The following NTNG1 variants were observed in gnomAD, a reference collection of about 807,000 sequenced individuals.
The protein encoded by NTNG1 is netrin-G1.
Under a neutral mutation model 54.0 loss-of-function variants are expected in NTNG1, and 16 were observed. The observed-to-expected ratio is 0.30, with a 90% CI of 0.20 to 0.45. The LOEUF (loss-of-function observed/expected upper bound fraction) is 0.45. Ranked by LOEUF, NTNG1 falls within the 20% of genes least tolerant of loss-of-function variation. NTNG1 has a pLI of 1.00. For synonymous variants in NTNG1, 255 were observed against 263.1 expected (o/e 0.97, Z 0.30); for missense variants, 530 against 678.7 (o/e 0.78, Z 2.43).
chr1:107,214,019 T>G (rs995884562), intron 2 of NTNG1, among the ~76,000 whole-genome samples: 1 of 152,226 alleles, frequency 6.6e-6, no homozygotes, highest in Non-Finnish European at 1.5e-5. Context: ...TTTTAGTTTT[T>G]CTTTTCACTC....
intron 4 of NTNG1, among the ~76,000 whole-genome samples, chr1:107,402,262 A>C (rs946889718): frequency 2.0e-5 from 3 of 152,128 alleles, no homozygotes; most frequent in Admixed American, 6.5e-5. Context: ...CTTGAATGTT[A>C]ATAACATCGG....
intron 2 of NTNG1, among the ~76,000 whole-genome samples, chr1:107,168,777 T>C (rs567996132): frequency 2.6e-5 from 4 of 152,250 alleles, no homozygotes; most frequent in South Asian, 2.1e-4. Flanking sequence ...AGAACCAACA[T>C]AGCAAAACAA....
At chr1:107,321,159 A>G (rs977522391) in intron 2 of NTNG1, among the ~76,000 whole-genome samples, 2 of 152,086 alleles carry the variant, frequency 1.3e-5, no homozygotes, top group Non-Finnish European at 2.9e-5. Context: ...ATCGTGTAAC[A>G]TTATAACACA....
chr1:107,460,473 A>G (rs1043629337), intron 7 of NTNG1: 2 of 512,212 alleles, frequency 3.9e-6, no homozygotes, highest in Non-Finnish European at 7.8e-6. Flanking sequence ...ATAGTTTTCT[A>G]TTTAGGAAAT....
chr1:107,331,945 G>A (rs1335126894), intron 3 of NTNG1, among the ~76,000 whole-genome samples: 1 of 150,968 alleles, frequency 6.6e-6, no homozygotes, highest in Non-Finnish European at 1.5e-5. Context: ...ATGAAGTCCA[G>A]TAAATAAGAG....
chr1:107,334,981 A>G (rs1454674558), intron 3 of NTNG1, among the ~76,000 whole-genome samples: 2 of 152,000 alleles, frequency 1.3e-5, no homozygotes, highest in South Asian at 2.1e-4. Context: ...CACTTCATCC[A>G]ATCAACCAGA....
chr1:107,234,536 T>G (rs1227703442), intron 2 of NTNG1, among the ~76,000 whole-genome samples: 1 of 152,228 alleles, frequency 6.6e-6, no homozygotes, highest in African/African-American at 2.4e-5. Context: ...TTTCCTCTTT[T>G]GATCCACGCA....
At chr1:107,206,505 T>C (rs1659206006) in intron 2 of NTNG1, among the ~76,000 whole-genome samples, 1 of 152,156 alleles carries the variant, frequency 6.6e-6, no homozygotes, top group East Asian at 1.9e-4. Context: ...GGCAGGGTTC[T>C]TATCATTACC....
chr1:107,147,113 T>C (rs1654178677), intron 1 of NTNG1, among the ~76,000 whole-genome samples: 2 of 152,234 alleles, frequency 1.3e-5, no homozygotes, highest in Non-Finnish European at 2.9e-5. Context: ...AACAGAAAAG[T>C]GGCCAGTTAA....
chr1:107,401,362 A>C (rs1341721626), intron 4 of NTNG1, among the ~76,000 whole-genome samples: 8 of 152,172 alleles, frequency 5.3e-5, no homozygotes, highest in African/African-American at 1.7e-4. Context: ...CGGAATACCA[A>C]GTTATTCAGG....
At chr1:107,414,081 T>G (rs192092082) in intron 5 of NTNG1, among the ~76,000 whole-genome samples, 103 of 152,288 alleles carry the variant, frequency 6.8e-4, no homozygotes, top group African/African-American at 2.4e-3. Flanking sequence ...TCTAAAGCTT[T>G]CTTGATGTTA....
chr1:107,380,139 A>G, intron 3 of NTNG1, among the ~76,000 whole-genome samples: 1 of 152,246 alleles, frequency 6.6e-6, no homozygotes, highest in East Asian at 1.9e-4. Context: ...TTTGAAAGGC[A>G]ATGATGCTAC....
intron 7 of NTNG1, among the ~76,000 whole-genome samples, chr1:107,456,788 C>T (rs1048572590): frequency 2.0e-5 from 3 of 152,200 alleles, no homozygotes; most frequent in Non-Finnish European, 4.4e-5. Context: ...TGATGCAAGA[C>T]CTCAGTCCCC....
chr1:107,288,275 C>A (rs1161013542), intron 2 of NTNG1, among the ~76,000 whole-genome samples: 2 of 151,970 alleles, frequency 1.3e-5, no homozygotes, highest in Non-Finnish European at 2.9e-5. Flanking sequence ...CTTGGAAACA[C>A]AGTGAAATGA....
intron 3 of NTNG1, among the ~76,000 whole-genome samples, chr1:107,349,901 CAT>C (rs572862978): frequency 2.6e-5 from 4 of 152,038 alleles, no homozygotes; most frequent in Non-Finnish European, 5.9e-5. Flanking sequence ...ATTTTTGGTA[CAT>C]GTGTGCAAAA....
At position 107,297,251 on chromosome 1, in the gene NTNG1, A is replaced by ATG. The variant is rs1557878548; in HGVS notation, c.247-27031_247-27030insTG. 4.4e-3 allele frequency among the ~76,000 whole-genome samples: 623 copies of ATG among 140,274 alleles called. 16 individuals carry two copies. Among genetic ancestry groups the ATG allele is most frequent in the African/African-American group, 0.015 (583 of 37,642 alleles). 92.0% of individuals were successfully genotyped at this position (140,274 alleles called of 152,430 possible). A position where few individuals can be genotyped will look rare whatever the true frequency, so the allele number is the denominator to read the frequency against. ...TATATATATATATATATATATGCGC[A>ATG]CACACACACACACACAGCAGTTAAG... On this transcript the variant is annotated intron_variant, in intron 2 of 7. Transcript: ENST00000370068.
At chr1:107,436,456 T>C (rs1305281796) in intron 6 of NTNG1, among the ~76,000 whole-genome samples, 7 of 152,228 alleles carry the variant, frequency 4.6e-5, no homozygotes, top group Non-Finnish European at 1.0e-4. Context: ...AAGTTTTCAG[T>C]TGATTTCCTC....
chr1:107,385,658 G>T (rs1671916723), intron 3 of NTNG1, among the ~76,000 whole-genome samples: 1 of 151,006 alleles, frequency 6.6e-6, no homozygotes. Flanking sequence ...ATCATTTAAT[G>T]CTCCTAACAA....
chr1:107,190,477 G>A (rs12726203), intron 2 of NTNG1, among the ~76,000 whole-genome samples: 49,961 of 151,850 alleles, frequency 0.33, 9,963 homozygotes, highest in Non-Finnish European at 0.45. Context: ...TGCACAACGT[G>A]CAGGTTTGTT....
Sources: allele counts gnomAD v4.1 joint callset (sites outside exome capture counted in the v4.1 genomes callset), GRCh38; gene constraint gnomAD v4.1.1; transcripts MANE v1.5; gene names NCBI Gene and HGNC (gene_info 2026-07-23, HGNC 2026-07-21).